The following STK33 variants were observed in gnomAD, a reference collection of about 807,000 sequenced individuals.
STK33 encodes the protein serine/threonine kinase 33.
Under a neutral mutation model 58.0 loss-of-function variants are expected in STK33, and 52 were observed. That is an observed-to-expected ratio of 0.90 (90% CI 0.72 to 1.13). STK33 has a LOEUF of 1.13. STK33 is among the 50% of genes most tolerant of loss of function. The probability of loss-of-function intolerance (pLI) is 0.00; values close to 1 mark genes in which losing one functional copy is unlikely to be tolerated. For missense variants in STK33, 630 were observed against 604.2 expected (o/e 1.04, Z -0.45); for synonymous variants, 215 against 200.1 (o/e 1.07, Z -0.63).
intron 1 of STK33, among the ~76,000 whole-genome samples, chr11:8,513,299 A>C (rs1952490423): frequency 6.6e-6 from 1 of 152,114 alleles, no homozygotes; most frequent in Admixed American, 6.6e-5. Context: ...AATACTGCTA[A>C]TTCCACCTAA....
At chr11:8,353,534 G>A in the STK33 span, among the ~76,000 whole-genome samples, 5 of 152,108 alleles carry the variant, frequency 3.3e-5, no homozygotes, top group Admixed American at 1.3e-4. Context: ...TGCTGAAATC[G>A]GTTAGAACAG....
intron 1 of STK33, among the ~76,000 whole-genome samples, chr11:8,525,180 C>A (rs960416563): frequency 6.6e-6 from 1 of 152,086 alleles, no homozygotes; most frequent in Non-Finnish European, 1.5e-5. Flanking sequence ...ATGAAGCTCC[C>A]CCTAAGCTGA....
intron 1 of STK33, chr11:8,580,781 A>C (rs887076787): frequency 6.6e-6 from 1 of 152,096 alleles, no homozygotes; most frequent in African/African-American, 2.4e-5. Flanking sequence ...AAAAACTGCA[A>C]ATTGTAAAAA....
At chr11:8,495,410 G>A (rs1472631071) in intron 1 of STK33, among the ~76,000 whole-genome samples, 15 of 152,096 alleles carry the variant, frequency 9.9e-5, no homozygotes, top group Non-Finnish European at 2.2e-4. Context: ...ACCATCTCAT[G>A]CCAGTTAGAA....
At chr11:8,402,628 A>C (rs1262121572) in intron 15 of STK33, among the ~76,000 whole-genome samples, 1 of 150,938 alleles carries the variant, frequency 6.6e-6, no homozygotes, top group Non-Finnish European at 1.5e-5. Context: ...TAAAAAAAAG[A>C]ATCTGAGACT....
chr11:8,510,512 C>G (rs1260015309), intron 1 of STK33, among the ~76,000 whole-genome samples: 1 of 151,860 alleles, frequency 6.6e-6, no homozygotes, highest in Non-Finnish European at 1.5e-5. Flanking sequence ...TTAGTTAGGT[C>G]CCATTTATTT....
At chr11:8,557,476 C>T (rs1284902625) in intron 1 of STK33, among the ~76,000 whole-genome samples, 4 of 151,964 alleles carry the variant, frequency 2.6e-5, no homozygotes, top group African/African-American at 9.7e-5. Flanking sequence ...CCTGTACTTA[C>T]ACAAGGAAAA....
At chr11:8,519,042 T>G (rs1196533860) in intron 1 of STK33, among the ~76,000 whole-genome samples, 1 of 152,202 alleles carries the variant, frequency 6.6e-6, no homozygotes, top group Non-Finnish European at 1.5e-5. Context: ...ATATACATTC[T>G]TCTCAGCACC....
chr11:8,360,037 G>T, the STK33 span, among the ~76,000 whole-genome samples: 4 of 152,252 alleles, frequency 2.6e-5, no homozygotes, highest in African/African-American at 4.8e-5. Flanking sequence ...GGCCTCCAGG[G>T]CTCACCCCTG....
intron 15 of STK33, among the ~76,000 whole-genome samples, chr11:8,394,878 G>T (rs185958885): frequency 6.6e-6 from 1 of 152,180 alleles, no homozygotes; most frequent in East Asian, 1.9e-4. Context: ...TGTAATTTTA[G>T]TTATTTATTT....
chr11:8,503,267 C>T (rs928495689), intron 1 of STK33, among the ~76,000 whole-genome samples: 3 of 152,172 alleles, frequency 2.0e-5, no homozygotes, highest in African/African-American at 7.2e-5. Context: ...TACACATACA[C>T]CATGGAATAC....
intron 1 of STK33, among the ~76,000 whole-genome samples, chr11:8,519,619 G>A (rs1591595180): frequency 6.6e-6 from 1 of 151,918 alleles, no homozygotes; most frequent in Non-Finnish European, 1.5e-5. Flanking sequence ...GAAGAAAACA[G>A]AGAAGAATCA....
chr11:8,478,308 A>G (rs1267030039), intron 2 of STK33, among the ~76,000 whole-genome samples: 1 of 152,200 alleles, frequency 6.6e-6, no homozygotes, highest in Non-Finnish European at 1.5e-5. Context: ...AAAAATATGT[A>G]TTACAAAAAC....
At chr11:8,536,750 T>G (rs2140245251) in intron 1 of STK33, among the ~76,000 whole-genome samples, 1 of 151,890 alleles carries the variant, frequency 6.6e-6, no homozygotes, top group African/African-American at 2.4e-5. Context: ...CCCTTTTTCT[T>G]TTCTTTTTTT....
chr11:8,374,695 G>C, the STK33 span, among the ~76,000 whole-genome samples: 1 of 152,186 alleles, frequency 6.6e-6, no homozygotes, highest in Admixed American at 6.5e-5. Context: ...GGGAAGGGCT[G>C]GAGCTTTACA....
chr11:8,488,223 G>A (rs530075691), intron 1 of STK33, among the ~76,000 whole-genome samples: 10 of 152,274 alleles, frequency 6.6e-5, no homozygotes, highest in Admixed American at 6.5e-4. Context: ...ATAATTACAA[G>A]CAGGTGTTTT....
At chr11:8,351,690 G>A in the STK33 span, among the ~76,000 whole-genome samples, 6 of 152,226 alleles carry the variant, frequency 3.9e-5, no homozygotes, top group Non-Finnish European at 7.3e-5. Flanking sequence ...GTGTGGGAGC[G>A]TCGTCCGGAG....
chr11:8,528,129 C>T (rs1318153947), intron 1 of STK33, among the ~76,000 whole-genome samples: 1 of 152,086 alleles, frequency 6.6e-6, no homozygotes. Flanking sequence ...CTGAGGAATG[C>T]GAGTTATGCA....
intron 15 of STK33, among the ~76,000 whole-genome samples, chr11:8,402,167 G>A (rs558324941): frequency 3.9e-5 from 6 of 152,216 alleles, no homozygotes; most frequent in South Asian, 4.1e-4. Context: ...ACATGCACAC[G>A]TATGTTTATT....
Sources: gnomAD v4.1 joint callset for allele counts (sites outside exome capture counted in the v4.1 genomes callset) on GRCh38, gnomAD v4.1.1 for gene constraint, MANE v1.5 for transcripts, NCBI Gene and HGNC (gene_info 2026-07-23, HGNC 2026-07-21) for gene names.